The following GRAMD2B variants were observed in gnomAD, a reference collection of about 807,000 sequenced individuals.
GRAMD2B encodes the protein GRAM domain containing 2B.
GRAMD2B carries 41 observed loss-of-function variants against 59.2 expected under a neutral mutation model. That is an observed-to-expected ratio of 0.69 (90% CI 0.54 to 0.90). GRAMD2B has a LOEUF of 0.90. Among genes scored for constraint, GRAMD2B ranks in the 40% least tolerant of loss-of-function variants. GRAMD2B has a pLI of 0.00. For missense variants in GRAMD2B, 424 were observed against 500.5 expected (o/e 0.85, Z 1.46); for synonymous variants, 161 against 182.7 (o/e 0.88, Z 0.96).
chr5:126,371,086 C>T (rs1477754369), upstream of GRAMD2B, among the ~76,000 whole-genome samples: 4 of 152,206 alleles, frequency 2.6e-5, no homozygotes, highest in African/African-American at 9.7e-5. Context: ...TAGATGCTGC[C>T]AGTCTCTGCA....
chr5:126,368,851 C>T (rs1246118853), upstream of GRAMD2B, among the ~76,000 whole-genome samples: 2 of 152,148 alleles, frequency 1.3e-5, no homozygotes, highest in Middle Eastern at 3.2e-3. Context: ...TAAATTGCTG[C>T]GTAACTGAAA....
chr5:126,482,209 C>G (rs1473140858), intron 8 of GRAMD2B, among the ~76,000 whole-genome samples: 1 of 152,064 alleles, frequency 6.6e-6, no homozygotes, highest in African/African-American at 2.4e-5. Context: ...TGGGTATGGG[C>G]TTTCTTTGGG....
intron 10 of GRAMD2B, 149 bp downstream of exon 10, chr5:126,484,673 T>C: frequency 1.4e-6 from 1 of 726,916 alleles, no homozygotes; most frequent in African/African-American, 1.8e-5. Context: ...AACCTCTGCC[T>C]CTTGGATTCA....
chr5:126,371,765 G>T (rs983332771), intron 1 of GRAMD2B, among the ~76,000 whole-genome samples: 2 of 152,162 alleles, frequency 1.3e-5, no homozygotes, highest in African/African-American at 4.8e-5. Context: ...TGAGCAAATA[G>T]AACTATTATT....
chr5:126,478,471 GGGCTCACA>G (rs1771075677), intron 6 of GRAMD2B, among the ~76,000 whole-genome samples: 1 of 151,468 alleles, frequency 6.6e-6, no homozygotes, highest in Non-Finnish European at 1.5e-5. Context: ...CCAGGCATGG[GGGCTCACA>G]CCTGTAATCC....
intron 1 of GRAMD2B, among the ~76,000 whole-genome samples, chr5:126,403,399 C>A (rs901887568): frequency 1.3e-5 from 2 of 151,984 alleles, no homozygotes; most frequent in Non-Finnish European, 2.9e-5. Context: ...TAATGAATTA[C>A]AAAATGCCAT....
At chr5:126,373,574 T>C (rs1024664028) in intron 1 of GRAMD2B, among the ~76,000 whole-genome samples, 1 of 152,236 alleles carries the variant, frequency 6.6e-6, no homozygotes, top group Non-Finnish European at 1.5e-5. Flanking sequence ...GAGATAGACT[T>C]AGTCCCTGCT....
Position 126,493,046 on chromosome 5 carries a change from G to A in GRAMD2B, c.*90G>A. 1 of 905,364 alleles carries A rather than the reference G, an allele frequency of 1.1e-6. No homozygotes were observed. The highest frequency in any genetic ancestry group is 1.8e-6 in the Non-Finnish European group (1 of 548,762). The allele number at this position is 905,364 out of a possible 1,614,324, so 56.1% of individuals were successfully genotyped here. A position where few individuals can be genotyped will look rare whatever the true frequency, so the allele number is the denominator to read the frequency against. On this transcript the variant is annotated 3_prime_UTR_variant, in exon 14 of 14. Transcript: ENST00000285689. ...GCGTTTTGTTTGAGTGCACCCTGCTGGTCAGAGGTGCAAGCAGATGAGAAT... is the reference window on the plus strand; with the variant it reads ...GCGTTTTGTTTGAGTGCACCCTGCTAGTCAGAGGTGCAAGCAGATGAGAAT...
upstream of GRAMD2B, among the ~76,000 whole-genome samples, chr5:126,366,765 C>A (rs1364389223): frequency 6.6e-6 from 1 of 151,726 alleles, no homozygotes; most frequent in African/African-American, 2.4e-5. Context: ...TACACCCACA[C>A]ACCGGTTTTC....
At chr5:126,426,014 A>G (rs1411245807) in intron 1 of GRAMD2B, among the ~76,000 whole-genome samples, 4 of 152,158 alleles carry the variant, frequency 2.6e-5, no homozygotes, top group Non-Finnish European at 4.4e-5. Flanking sequence ...CAAATGTCTC[A>G]CCATAAAAAA....
intron 1 of GRAMD2B, among the ~76,000 whole-genome samples, chr5:126,431,182 C>T (rs915286967): frequency 2.5e-4 from 38 of 150,840 alleles, no homozygotes; most frequent in Non-Finnish European, 5.3e-4. Flanking sequence ...GATTAGTTTT[C>T]TTTTTTTTTA....
At chr5:126,455,210 G>A (rs1766062206) in intron 1 of GRAMD2B, among the ~76,000 whole-genome samples, 1 of 152,052 alleles carries the variant, frequency 6.6e-6, no homozygotes, top group Admixed American at 6.6e-5. Context: ...CCTTGTTCTT[G>A]TACAAATAGG....
At chr5:126,445,751 T>G (rs1328136114) in intron 1 of GRAMD2B, 1 of 152,202 alleles carries the variant, frequency 6.6e-6, no homozygotes, top group Non-Finnish European at 1.5e-5. Flanking sequence ...CTTTGATACA[T>G]TCTGTTCACA....
exon 1 of GRAMD2B, chr5:126,360,247 C>T: frequency 1.4e-6 from 2 of 1,462,802 alleles, no homozygotes; most frequent in South Asian, 1.3e-5. Flanking sequence ...GCTCAAAGAG[C>T]TGTGGTTGGG....
chr5:126,425,820 T>C (rs2149787566), intron 1 of GRAMD2B, among the ~76,000 whole-genome samples: 1 of 151,992 alleles, frequency 6.6e-6, no homozygotes, highest in Admixed American at 6.5e-5. Context: ...TTCATAGAAA[T>C]AGAGAGTAGA....
In GRAMD2B at chr5:126,477,805, C is replaced by A. The variant is rs776121938; in HGVS notation, c.582+18C>A. The A allele has an allele frequency of 6.7e-7, 1 of 1,492,156 alleles. No homozygotes were observed. Among genetic ancestry groups the A allele is most frequent in the Non-Finnish European group, 9.4e-7 (1 of 1,068,850 alleles). The allele number at this position is 1,492,156 out of a possible 1,614,324, so 92.4% of individuals were successfully genotyped here. On this transcript the variant is annotated intron_variant, in intron 6 of 13. Transcript: ENST00000285689. ...CAGACAGGGTGAGTATGCAGCCGAG[C>A]GAGGGCATCTTTGCTTTGTCCTCCT...
At chr5:126,440,934 G>A (rs1763177669) in intron 1 of GRAMD2B, among the ~76,000 whole-genome samples, 1 of 152,006 alleles carries the variant, frequency 6.6e-6, no homozygotes, top group South Asian at 2.1e-4. Context: ...CATAAAACAT[G>A]TATAAAATGA....
intron 1 of GRAMD2B, among the ~76,000 whole-genome samples, chr5:126,401,437 G>C (rs1231875364): frequency 6.6e-6 from 1 of 151,864 alleles, no homozygotes; most frequent in African/African-American, 2.4e-5. Flanking sequence ...GAAATTCATA[G>C]GTCTCCATTT....
At chr5:126,463,828 G>A (rs1767802607) in intron 1 of GRAMD2B, among the ~76,000 whole-genome samples, 1 of 152,204 alleles carries the variant, frequency 6.6e-6, no homozygotes, top group Non-Finnish European at 1.5e-5. Context: ...AGACCAGCCT[G>A]GCCAACATGG....
Sources: allele counts gnomAD v4.1 joint callset (sites outside exome capture counted in the v4.1 genomes callset), GRCh38; gene constraint gnomAD v4.1.1; transcripts MANE v1.5; gene names NCBI Gene and HGNC (gene_info 2026-07-23, HGNC 2026-07-21).